KCNAB1: variants seen among roughly 807,000 people sequenced by gnomAD.
The protein encoded by KCNAB1 is potassium voltage-gated channel subfamily A regulatory beta subunit 1.
KCNAB1 carries 35 observed loss-of-function variants against 64.6 expected under a neutral mutation model. The observed-to-expected ratio is 0.54, with a 90% CI of 0.41 to 0.72. KCNAB1 has a LOEUF of 0.72. Among genes scored for constraint, KCNAB1 ranks in the 30% least tolerant of loss-of-function variants. KCNAB1 has a pLI of 0.00. For missense variants in KCNAB1, 401 were observed against 512.9 expected, an observed-to-expected ratio of 0.78 and a Z score of 2.11; for synonymous variants, 177 against 183.8, an observed-to-expected ratio of 0.96 and a Z score of 0.30.
At chr3:156,234,718 G>T (rs1172606333) in intron 1 of KCNAB1, among the ~76,000 whole-genome samples, 7 of 152,132 alleles carry the variant, frequency 4.6e-5, no homozygotes, top group Non-Finnish European at 1.0e-4. Context: ...AAGTGAGGCT[G>T]ATCAGTATGG....
rs113443724 is a variant in KCNAB1, at chr3:156,227,344, A to G, written c.275+106458A>G. Among the ~76,000 whole-genome samples, 12 of 152,358 alleles carry G rather than the reference A, an allele frequency of 7.9e-5. 1 individual carries two copies. Among genetic ancestry groups the G allele is most frequent in the African/African-American group, 2.9e-4 (12 of 41,594 alleles). ...GACAAAGGACATTGTTCTCAAAGGT[A>G]TTTAATAGGCCCTGAAAGTTTGACT... On this transcript the variant is annotated intron_variant, in intron 1 of 13. Transcript: ENST00000490337.
chr3:156,291,642 A>G (rs895898449), intron 1 of KCNAB1: 34 of 1,353,194 alleles, frequency 2.5e-5, no homozygotes, highest in Admixed American at 3.1e-5. Flanking sequence ...TGCAAACCTG[A>G]TTCTCCCTCC....
At chr3:156,258,962 A>G (rs1718268483) in intron 1 of KCNAB1, among the ~76,000 whole-genome samples, 1 of 152,234 alleles carries the variant, frequency 6.6e-6, no homozygotes, top group Non-Finnish European at 1.5e-5. Context: ...ATGAGCAGGG[A>G]AATGGAACGA....
At position 156,310,761 on chromosome 3, in the gene KCNAB1, G is replaced by A. The variant is rs764125552; in HGVS notation, c.276-110855G>A. On this transcript the variant is annotated intron_variant, in intron 1 of 13. Transcript: ENST00000490337. Reference sequence around the variant, plus strand: ...GGAGCTTGCAGTGAGCTGAGATTGCGCCACTGCACTCCAGCCTGGGTGACA... The same window carrying A: ...GGAGCTTGCAGTGAGCTGAGATTGCACCACTGCACTCCAGCCTGGGTGACA... 5.3e-4 allele frequency among the ~76,000 whole-genome samples: 80 copies of A among 152,098 alleles called. 1 individual carries two copies. Among genetic ancestry groups the A allele is most frequent in the African/African-American group, 1.2e-4 (5 of 41,412 alleles).
At chr3:156,322,743 T>G (rs141648620) in intron 1 of KCNAB1, among the ~76,000 whole-genome samples, 174 of 152,298 alleles carry the variant, frequency 1.1e-3, no homozygotes, top group Non-Finnish European at 5.1e-4. Context: ...TGTAGAACAT[T>G]TTAATATTTA....
intron 1 of KCNAB1, among the ~76,000 whole-genome samples, chr3:156,239,436 T>C (rs190138549): frequency 1.3e-5 from 2 of 152,324 alleles, no homozygotes; most frequent in African/African-American, 4.8e-5. Flanking sequence ...CTTAGCAAAT[T>C]GTAGAAGAGG....
chr3:156,158,263 C>G (rs1384050855), intron 1 of KCNAB1, among the ~76,000 whole-genome samples: 1 of 150,690 alleles, frequency 6.6e-6, no homozygotes, highest in Non-Finnish European at 1.5e-5. Flanking sequence ...AACATTAATT[C>G]TATTAGATTT....
At position 156,259,436 on chromosome 3, in the gene KCNAB1, T is replaced by C. The variant is rs1285579369; in HGVS notation, c.275+138550T>C. 2.0e-5 allele frequency among the ~76,000 whole-genome samples: 3 copies of C among 152,194 alleles called. 1 individual carries two copies. The highest frequency in any genetic ancestry group is 2.9e-5 in the Non-Finnish European group (2 of 68,026). On this transcript the variant is annotated intron_variant, in intron 1 of 13. Coordinates refer to ENST00000490337, the MANE Select transcript of KCNAB1 (RefSeq NM_172160.3). The stretch of plus-strand genomic sequence containing the variant: ...CTGGGAGCTTTCCACACCCTGCAAA[T>C]GTCTGCCAGCGGGCAGCAAAAGGAG...
At chr3:156,232,126 A>C (rs1300548537) in intron 1 of KCNAB1, among the ~76,000 whole-genome samples, 1 of 152,194 alleles carries the variant, frequency 6.6e-6, no homozygotes, top group South Asian at 2.1e-4. Flanking sequence ...TTTAAATAGC[A>C]TCTAAATAAT....
chr3:156,378,547 A>G (rs926382731), intron 1 of KCNAB1, among the ~76,000 whole-genome samples: 32 of 152,108 alleles, frequency 2.1e-4, no homozygotes, highest in African/African-American at 7.5e-4. Context: ...TTCTCTGAGC[A>G]TCTATGTTCA....
intron 1 of KCNAB1, among the ~76,000 whole-genome samples, chr3:156,370,140 C>T (rs907637384): frequency 2.6e-5 from 4 of 152,198 alleles, no homozygotes; most frequent in African/African-American, 7.2e-5. Context: ...ACAGTGAATA[C>T]AGCTACATTT....
At chr3:156,181,960 A>G (rs1374694772) in intron 1 of KCNAB1, among the ~76,000 whole-genome samples, 1 of 152,214 alleles carries the variant, frequency 6.6e-6, no homozygotes, top group South Asian at 2.1e-4. Context: ...GAAAAGTTTT[A>G]CCAGGAAAGA....
intron 1 of KCNAB1, among the ~76,000 whole-genome samples, chr3:156,254,295 C>A (rs1717980856): frequency 6.6e-6 from 1 of 152,246 alleles, no homozygotes; most frequent in African/African-American, 2.4e-5. Context: ...TGGCCCAGAA[C>A]CTCACTCATG....
intron 8 of KCNAB1, among the ~76,000 whole-genome samples, chr3:156,511,969 G>A (rs891991709): frequency 9.2e-5 from 14 of 152,152 alleles, no homozygotes; most frequent in African/African-American, 2.6e-4. Flanking sequence ...CATCTGCCTC[G>A]AATGCTCTTC....
chr3:156,368,643 G>A (rs1485587310), intron 1 of KCNAB1, among the ~76,000 whole-genome samples: 1 of 152,088 alleles, frequency 6.6e-6, no homozygotes, highest in Non-Finnish European at 1.5e-5. Context: ...AATGTGCCTG[G>A]GATATAACTC....
At chr3:156,376,367 G>C (rs1164626859) in intron 1 of KCNAB1, among the ~76,000 whole-genome samples, 1 of 152,176 alleles carries the variant, frequency 6.6e-6, no homozygotes, top group Non-Finnish European at 1.5e-5. Context: ...GAGCCATGGA[G>C]TCCAGCATTT....
At chr3:156,253,073 G>C (rs577442020) in intron 1 of KCNAB1, among the ~76,000 whole-genome samples, 26 of 152,328 alleles carry the variant, frequency 1.7e-4, no homozygotes, top group South Asian at 8.3e-4. Flanking sequence ...TCATGGAGCA[G>C]TAATATTTGG....
intron 2 of KCNAB1, among the ~76,000 whole-genome samples, chr3:156,430,108 T>C (rs997334217): frequency 6.6e-6 from 1 of 152,246 alleles, no homozygotes; most frequent in African/African-American, 2.4e-5. Context: ...AAAGAAAGAA[T>C]TGCTGACAAG....
intron 1 of KCNAB1, among the ~76,000 whole-genome samples, chr3:156,283,280 G>T (rs1490106814): frequency 6.6e-6 from 1 of 151,466 alleles, no homozygotes; most frequent in African/African-American, 2.4e-5. Context: ...CTTTAAGAGT[G>T]TTGAATATTG....
Sources: gnomAD v4.1 joint callset for allele counts (sites outside exome capture counted in the v4.1 genomes callset) on GRCh38, gnomAD v4.1.1 for gene constraint, MANE v1.5 for transcripts, NCBI Gene and HGNC (gene_info 2026-07-23, HGNC 2026-07-21) for gene names.